Variants in LUZP2 observed in about 807,000 individuals in gnomAD.
LUZP2 encodes leucine zipper protein 2.
LUZP2 carries 52 observed loss-of-function variants against 51.6 expected under a neutral mutation model. The ratio of observed to expected loss-of-function variants is 1.01; its 90% confidence interval spans 0.81 to 1.27. The LOEUF is 1.27. Ranked by LOEUF, LUZP2 falls within the 50% of genes most tolerant of loss-of-function variation. The pLI, the probability that LUZP2 is intolerant of heterozygous loss-of-function variation, is 0.00. For missense variants in LUZP2, 436 were observed against 395.4 expected, an observed-to-expected ratio of 1.10 and a Z score of -0.87; for synonymous variants, 154 against 137.3, an observed-to-expected ratio of 1.12 and a Z score of -0.85.
At chr11:24,940,292 A>G (rs1854706535) in intron 7 of LUZP2, among the ~76,000 whole-genome samples, 1 of 152,152 alleles carries the variant, frequency 6.6e-6, no homozygotes, top group South Asian at 2.1e-4. Context: ...AAGGAAAAGT[A>G]GACTCACATA....
intron 1 of LUZP2, among the ~76,000 whole-genome samples, chr11:24,519,051 A>G (rs972819964): frequency 6.6e-6 from 1 of 152,194 alleles, no homozygotes; most frequent in African/African-American, 2.4e-5. Flanking sequence ...AACTGAGTAC[A>G]TGTGTGAGCT....
intron 1 of LUZP2, among the ~76,000 whole-genome samples, chr11:24,697,594 G>A (rs878862967): frequency 6.6e-6 from 1 of 152,138 alleles, no homozygotes; most frequent in African/African-American, 2.4e-5. Flanking sequence ...GGCGATAATA[G>A]CTCCTTTCCA....
intron 9 of LUZP2, among the ~76,000 whole-genome samples, chr11:24,998,502 A>C (rs1381352429): frequency 6.6e-6 from 1 of 152,224 alleles, no homozygotes; most frequent in Admixed American, 6.5e-5. Context: ...GTTGCTTATC[A>C]GCTTAAGGAG....
intron 5 of LUZP2, among the ~76,000 whole-genome samples, chr11:24,809,184 A>C (rs1165203564): frequency 6.6e-6 from 1 of 152,198 alleles, no homozygotes; most frequent in African/African-American, 2.4e-5. Flanking sequence ...GATTCTAAAA[A>C]TGTTTCATAT....
intron 1 of LUZP2, among the ~76,000 whole-genome samples, chr11:24,671,401 C>A (rs890226866): frequency 6.6e-6 from 1 of 151,920 alleles, no homozygotes; most frequent in Non-Finnish European, 1.5e-5. Flanking sequence ...TTTTGTTCTT[C>A]TAAGTAACAC....
At chr11:24,588,641 C>T (rs5009346) in intron 1 of LUZP2, among the ~76,000 whole-genome samples, 3 of 38,518 alleles carry the variant, frequency 7.8e-5, no homozygotes, top group South Asian at 2.0e-3. Context: ...ATAATTTTTT[C>T]CCAAAAAGAT....
intron 7 of LUZP2, among the ~76,000 whole-genome samples, chr11:24,956,572 T>G (rs1286169605): frequency 6.6e-6 from 1 of 152,044 alleles, no homozygotes; most frequent in Non-Finnish European, 1.5e-5. Flanking sequence ...AGTGAAAATG[T>G]TTTTCAACAA....
At chr11:24,814,397 A>G (rs1366224341) in intron 5 of LUZP2, among the ~76,000 whole-genome samples, 1 of 152,170 alleles carries the variant, frequency 6.6e-6, no homozygotes, top group Non-Finnish European at 1.5e-5. Flanking sequence ...GAGAGATAAA[A>G]GAGAAGTCTT....
chr11:24,602,460 G>T (rs1391185656), intron 1 of LUZP2, among the ~76,000 whole-genome samples: 5 of 147,918 alleles, frequency 3.4e-5, no homozygotes, highest in African/African-American at 1.2e-4. Flanking sequence ...TGCACTATGG[G>T]CACATGTGAT....
At chr11:24,714,897 A>G (rs1857978364) in intron 1 of LUZP2, among the ~76,000 whole-genome samples, 1 of 152,192 alleles carries the variant, frequency 6.6e-6, no homozygotes, top group Non-Finnish European at 1.5e-5. Flanking sequence ...TGCCCTTGCC[A>G]TAGCATCAAC....
At chr11:24,535,174 A>G (rs1851138965) in intron 1 of LUZP2, among the ~76,000 whole-genome samples, 1 of 151,180 alleles carries the variant, frequency 6.6e-6, no homozygotes, top group Non-Finnish European at 1.5e-5. Flanking sequence ...TCTAGATTTC[A>G]GCAATTCCTA....
intron 7 of LUZP2, among the ~76,000 whole-genome samples, chr11:24,961,106 G>C (rs1341225743): frequency 5.3e-5 from 8 of 152,194 alleles, no homozygotes; most frequent in African/African-American, 1.9e-4. Context: ...ACTGTGGTCA[G>C]AGAGATAGTT....
At chr11:24,878,290 T>C (rs1852342785) in intron 5 of LUZP2, among the ~76,000 whole-genome samples, 1 of 152,104 alleles carries the variant, frequency 6.6e-6, no homozygotes, top group African/African-American at 2.4e-5. Flanking sequence ...CCCCTTCATA[T>C]TTGAAAGATA....
intron 7 of LUZP2, among the ~76,000 whole-genome samples, chr11:24,964,542 G>A (rs1229516461): frequency 6.6e-6 from 1 of 152,036 alleles, no homozygotes; most frequent in Non-Finnish European, 1.5e-5. Flanking sequence ...TATGTATATT[G>A]AGCTGATAAT....
chr11:24,954,532 C>G (rs1281748820), intron 7 of LUZP2, among the ~76,000 whole-genome samples: 1 of 152,016 alleles, frequency 6.6e-6, no homozygotes, highest in East Asian at 1.9e-4. Flanking sequence ...GTTCCTTATA[C>G]AATCATTGTG....
At chr11:24,750,877 T>G (rs922611607) in intron 4 of LUZP2, among the ~76,000 whole-genome samples, 5 of 152,166 alleles carry the variant, frequency 3.3e-5, no homozygotes, top group Non-Finnish European at 5.9e-5. Context: ...ATGATATATA[T>G]TCATACTTTC....
chr11:24,892,652 T>C (rs980752903), intron 5 of LUZP2: 2 of 165,576 alleles, frequency 1.2e-5, no homozygotes, highest in African/African-American at 4.8e-5. Flanking sequence ...GAAAAACAAG[T>C]AATGTGTATA....
At chr11:25,031,852 A>G in intron 9 of LUZP2, among the ~76,000 whole-genome samples, 1 of 152,298 alleles carries the variant, frequency 6.6e-6, no homozygotes, top group African/African-American at 2.4e-5. Flanking sequence ...TAAGTTATTT[A>G]TAAGTACATT....
At chr11:24,892,028 G>C (rs940315609) in intron 5 of LUZP2, 4 of 985,614 alleles carry the variant, frequency 4.1e-6, no homozygotes, top group Non-Finnish European at 1.2e-6. Flanking sequence ...TTGGAAAGGA[G>C]TATGTATTCC....
Sources: gnomAD v4.1 joint callset for allele counts (sites outside exome capture counted in the v4.1 genomes callset) on GRCh38, gnomAD v4.1.1 for gene constraint, MANE v1.5 for transcripts, NCBI Gene and HGNC (gene_info 2026-07-23, HGNC 2026-07-21) for gene names.